Variants in TENM2 observed in about 807,000 individuals in gnomAD.
TENM2 encodes teneurin-2.
In TENM2, 52 loss-of-function variants were observed where a neutral mutation model predicts 245.2. The ratio of observed to expected loss-of-function variants is 0.21; its 90% CI spans 0.17 to 0.27. The LOEUF (loss-of-function observed/expected upper bound fraction) is 0.27, where lower values mean the gene tolerates loss of function less well. TENM2 is among the 10% of genes least tolerant of loss of function. The pLI is 1.00. For missense variants in TENM2, 3,046 were observed against 3,666.8 expected (o/e 0.83, Z 4.37); for synonymous variants, 1,363 against 1,438.9 (o/e 0.95, Z 1.19).
downstream of TENM2, chr5:168,263,925 AAAAAAT>A (rs1474475633): frequency 6.6e-6 from 1 of 152,644 alleles, no homozygotes; most frequent in Non-Finnish European, 1.5e-5. Context: ...GAGAAAATTT[AAAAAAT>A]AAAAATAAAA....
intron 2 of TENM2, among the ~76,000 whole-genome samples, chr5:167,512,602 C>A (rs1424895926): frequency 6.6e-6 from 1 of 152,064 alleles, no homozygotes; most frequent in Non-Finnish European, 1.5e-5. Context: ...GTTTATTTTT[C>A]TTTACTGATG....
At chr5:167,071,877 C>CGGGGGGGGGGG in the TENM2 span, among the ~76,000 whole-genome samples, 2 of 113,300 alleles carry the variant, frequency 1.8e-5, no homozygotes, top group Non-Finnish European at 4.1e-5. Flanking sequence ...TTTGACAAAT[C>CGGGGGGGGGGG]GCCCCCCCCC....
At chr5:167,813,560 C>G (rs1199542788) in intron 2 of TENM2, among the ~76,000 whole-genome samples, 1 of 152,018 alleles carries the variant, frequency 6.6e-6, no homozygotes, top group African/African-American at 2.4e-5. Context: ...TTTTTTTCCT[C>G]TCTCTATTCC....
At chr5:167,685,450 T>G (rs1757010246) in intron 2 of TENM2, among the ~76,000 whole-genome samples, 1 of 152,158 alleles carries the variant, frequency 6.6e-6, no homozygotes, top group African/African-American at 2.4e-5. Flanking sequence ...TTTTTCCTTC[T>G]GTACTCAATT....
chr5:167,843,423 A>G (rs1418655289), intron 2 of TENM2, among the ~76,000 whole-genome samples: 3 of 152,324 alleles, frequency 2.0e-5, no homozygotes, highest in East Asian at 3.9e-4. Context: ...AATCATTTTG[A>G]GAGCTTAGCA....
Position 167,959,518 on chromosome 5 carries a change from G to A in TENM2, c.947+6696G>A, listed in dbSNP as rs565467659. On this transcript the variant is annotated intron_variant, in intron 4 of 28. Coordinates refer to ENST00000518659, the Ensembl canonical transcript of TENM2. ...CTATTGATACTTGTGTATGCTTCAC[G>A]AAGTTCTTGTGCTGTGTTTTTCAGC... 7.9e-4 allele frequency among the ~76,000 whole-genome samples: 121 copies of A among 152,202 alleles called. 1 individual carries two copies. Among genetic ancestry groups the A allele is most frequent in the African/African-American group, 2.7e-3 (113 of 41,528 alleles).
rs796123206 is a variant in TENM2, at chr5:167,532,080, G to A, written c.502+156607G>A. ...GTGTGGCCTCATCTTTAATCTCATGGCCACACCATGAGGCTCCTGTTAATA... is the reference window on the plus strand; with the variant it reads ...GTGTGGCCTCATCTTTAATCTCATGACCACACCATGAGGCTCCTGTTAATA... On this transcript the variant is annotated intron_variant, in intron 2 of 28. Coordinates refer to ENST00000518659, the Ensembl canonical transcript of TENM2. Among the ~76,000 whole-genome samples the A allele has an allele frequency of 9.9e-5, 15 of 152,158 alleles. No homozygotes were observed. The South Asian group carries it at 2.7e-3, about 27-fold the overall frequency.
At chr5:167,673,952 G>A (rs1391334441) in intron 2 of TENM2, among the ~76,000 whole-genome samples, 1 of 152,102 alleles carries the variant, frequency 6.6e-6, no homozygotes, top group African/African-American at 2.4e-5. Flanking sequence ...CATGGTGAGA[G>A]GCTGTGTAGA....
intron 8 of TENM2, among the ~76,000 whole-genome samples, chr5:168,092,657 G>A (rs1793041577): frequency 6.6e-6 from 1 of 152,116 alleles, no homozygotes; most frequent in Admixed American, 6.5e-5. Flanking sequence ...GCTCACAAAA[G>A]GAAAAAACTA....
intron 2 of TENM2, among the ~76,000 whole-genome samples, chr5:167,675,065 A>T (rs1173103931): frequency 6.6e-6 from 1 of 152,138 alleles, no homozygotes; most frequent in Non-Finnish European, 1.5e-5. Flanking sequence ...ATGGTGAGAA[A>T]AAAAGAAACA....
chr5:167,783,283 AG>A (rs1488897327), intron 2 of TENM2, among the ~76,000 whole-genome samples: 2 of 151,528 alleles, frequency 1.3e-5, no homozygotes. Context: ...AGCAAGTCCA[AG>A]GAGAAGGGGT....
the TENM2 span, among the ~76,000 whole-genome samples, chr5:167,013,265 A>G: frequency 6.6e-6 from 1 of 152,144 alleles, no homozygotes; most frequent in African/African-American, 2.4e-5. Flanking sequence ...TTCTGGTTCT[A>G]ACTTTCAATG....
chr5:167,518,267 T>C (rs1468560370), intron 2 of TENM2, among the ~76,000 whole-genome samples: 1 of 152,180 alleles, frequency 6.6e-6, no homozygotes, highest in Non-Finnish European at 1.5e-5. Flanking sequence ...AATGACGCCA[T>C]GACAGGTGAC....
chr5:168,162,539 C>A, intron 12 of TENM2, 72 bp from the exon 15 acceptor site: 1 of 1,547,702 alleles, frequency 6.5e-7, no homozygotes, highest in Non-Finnish European at 8.8e-7. Flanking sequence ...TTGCTCCCCT[C>A]TGCATGGCTC....
intron 20 of TENM2, among the ~76,000 whole-genome samples, chr5:168,213,755 G>A (rs532630830): frequency 6.6e-6 from 1 of 152,208 alleles, no homozygotes; most frequent in African/African-American, 2.4e-5. Flanking sequence ...GACCACTTCA[G>A]CCCAGGGATT....
chr5:167,304,147 C>G (rs1458607682), intron 1 of TENM2, among the ~76,000 whole-genome samples: 2 of 152,098 alleles, frequency 1.3e-5, no homozygotes, highest in Non-Finnish European at 2.9e-5. Flanking sequence ...GTGGGACTTC[C>G]TTGAATGATG....
the TENM2 span, among the ~76,000 whole-genome samples, chr5:167,054,324 ACATGCATTTAAGTTTT>A: frequency 1.3e-5 from 2 of 152,276 alleles, no homozygotes; most frequent in East Asian, 3.9e-4. Flanking sequence ...TCACTTAGTA[ACATGCATTTAAGTTTT>A]CTCCATGTCT....
chr5:167,518,735 C>G (rs1315444195), intron 2 of TENM2, among the ~76,000 whole-genome samples: 4 of 152,124 alleles, frequency 2.6e-5, no homozygotes, highest in Non-Finnish European at 4.4e-5. Flanking sequence ...AGTGCCAGAT[C>G]AGTACTAGGC....
intron 2 of TENM2, among the ~76,000 whole-genome samples, chr5:167,765,552 A>G (rs1269179403): frequency 6.6e-6 from 1 of 152,208 alleles, no homozygotes; most frequent in Non-Finnish European, 1.5e-5. Context: ...TTTTGGCCTA[A>G]TGGGCAGGAT....
Sources: allele counts gnomAD v4.1 joint callset (sites outside exome capture counted in the v4.1 genomes callset), GRCh38; gene constraint gnomAD v4.1.1; transcripts MANE v1.5; gene names NCBI Gene and HGNC (gene_info 2026-07-23, HGNC 2026-07-21).